Variants in MFSD2B observed in about 807,000 individuals in gnomAD.
The protein encoded by MFSD2B is sphingosine-1-phosphate transporter MFSD2B.
MFSD2B carries 56 observed loss-of-function variants against 58.4 expected under a neutral mutation model. The ratio of observed to expected loss-of-function variants is 0.96; its 90% CI spans 0.77 to 1.20. The LOEUF (loss-of-function observed/expected upper bound fraction) is 1.20. Ranked by LOEUF, MFSD2B falls within the 50% of genes most tolerant of loss-of-function variation. The pLI is 0.00. For missense variants in MFSD2B, 645 were observed against 667.6 expected, an observed-to-expected ratio of 0.97 and a Z score of 0.37; for synonymous variants, 287 against 294.4, an observed-to-expected ratio of 0.97 and a Z score of 0.26.
In MFSD2B at chr2:24,025,502, G is replaced by T; in HGVS notation, c.*46G>T. On this transcript the variant is annotated 3_prime_UTR_variant, in exon 14 of 14. Coordinates refer to ENST00000338315, the MANE Select transcript of MFSD2B (RefSeq NM_001346880.2). ...AATGGACACAGGAGCCAGCACCCTCGGGGCCTGACATCGCCCTCCTCAGCC... is the reference window on the plus strand; with the variant it reads ...AATGGACACAGGAGCCAGCACCCTCTGGGCCTGACATCGCCCTCCTCAGCC... 2 of 1,521,598 alleles carry T rather than the reference G, an allele frequency of 1.3e-6. No individual in the cohort carries two copies. Among genetic ancestry groups the T allele is most frequent in the South Asian group, 1.2e-5 (1 of 83,752 alleles). The allele number at this position is 1,521,598 out of a possible 1,614,324, so 94.3% of individuals were successfully genotyped here. A position where few individuals can be genotyped will look rare whatever the true frequency, so the allele number is the denominator to read the frequency against.
In MFSD2B at chr2:24,020,968, C is replaced by T. The variant is rs1002682295; in HGVS notation, c.682-680C>T. On this transcript the variant is annotated intron_variant, in intron 6 of 13. Coordinates refer to ENST00000338315, the MANE Select transcript of MFSD2B (RefSeq NM_001346880.2). This position sits in a 1 kb window ranked among gnomAD's most constrained non-coding sequence, Gnocchi z 4.1. ...CTGGAGTGCAGTACTGTGATCTCGG[C>T]TCACTGCAACCTCCATCTCCCCAGT... Among the ~76,000 whole-genome samples the T allele has an allele frequency of 3.3e-5, 5 of 152,116 alleles. No homozygotes were observed. The highest frequency in any genetic ancestry group is 9.7e-5 in the African/African-American group (4 of 41,408).
chr2:24,023,475 TG>T lies in MFSD2B; in HGVS notation c.1170-105del. 2 of 1,359,212 alleles carry T rather than the reference TG, an allele frequency of 1.5e-6. No homozygotes were observed. Among genetic ancestry groups the T allele is most frequent in the Non-Finnish European group, 2.0e-6 (2 of 996,950 alleles). 84.2% of individuals were successfully genotyped at this position (1,359,212 alleles called of 1,614,324 possible). A position where few individuals can be genotyped will look rare whatever the true frequency, so the allele number is the denominator to read the frequency against. On this transcript the variant is annotated intron_variant, in intron 11 of 13. Coordinates refer to ENST00000338315, the MANE Select transcript of MFSD2B (RefSeq NM_001346880.2). The surrounding 1 kb of genome is among the most constrained non-coding windows in gnomAD (Gnocchi z 5.0). ...GCTTCTCTGGTGGCCAGTCTGGTCCTGGGCACAGAACTCAGGGATGAATCCA... is the reference window on the plus strand; with the variant it reads ...GCTTCTCTGGTGGCCAGTCTGGTCCTGGCACAGAACTCAGGGATGAATCCA...
Position 24,022,870 on chromosome 2 carries a change from T to C in MFSD2B, c.1027T>C (p.Phe343Leu). 6.2e-7 allele frequency: 1 copy of C among 1,611,250 alleles called. No individual in the cohort carries two copies. The highest frequency in any genetic ancestry group is 8.5e-7 in the Non-Finnish European group (1 of 1,178,912). The change falls in exon 10 of 14, where the codon TTT becomes CTT. Residue 343 changes from phenylalanine to leucine, a missense_variant. By Grantham distance (22) the Phe-to-Leu change is conservative. Transcript: ENST00000338315. This position sits in a 1 kb window ranked among gnomAD's most constrained non-coding sequence, Gnocchi z 4.5. ...GCTGTGGGAGTGGGTTCTCCAGCGC[T>C]TTGGGAAGAAGACGTCAGCCTTTGG... Reference protein sequence around the residue: ...TPLWEWVLQRFGKKTSAFGIF... With the variant: ...TPLWEWVLQRLGKKTSAFGIF...
chr2:24,021,971 G>A lies in MFSD2B; in HGVS notation c.894+1G>A, dbSNP rs753833077. The A allele has an allele frequency of 1.9e-6, 3 of 1,614,004 alleles. No homozygotes were observed. The highest frequency in any genetic ancestry group is 8.5e-7 in the Non-Finnish European group (1 of 1,179,886). ...CCTGTTCATCTCTGCTGCTGTTCAG[G>A]TACCTCTGGCCAGCTGCCCCCGACA... On this transcript the variant is annotated splice_donor_variant, in intron 8 of 13. Coordinates refer to ENST00000338315, the MANE Select transcript of MFSD2B (RefSeq NM_001346880.2). LOFTEE classifies it high-confidence loss of function. The surrounding 1 kb of genome is among the most constrained non-coding windows in gnomAD (Gnocchi z 5.7).
At position 24,017,456 on chromosome 2, in the gene MFSD2B, AG is replaced by A; in HGVS notation, c.552del. 1 of 1,601,946 alleles carries A rather than the reference AG, an allele frequency of 6.2e-7. No homozygotes were observed. On this transcript the variant is annotated splice_acceptor_variant, in intron 5 of 13. Transcript: ENST00000338315. LOFTEE classifies it high-confidence loss of function. The surrounding 1 kb of genome is among the most constrained non-coding windows in gnomAD (Gnocchi z 4.8). ...TCACCTTAAGTGGCACTCTGTCTCC[AG>A]GGATGACTGTGGAGATGGCGGGAAC... is the stretch of plus-strand genomic sequence containing the variant.
In MFSD2B at chr2:24,023,048, GGTC is replaced by G; in HGVS notation, c.1060-78_1060-76del. 1.5e-6 allele frequency: 2 copies of G among 1,360,280 alleles called. No homozygotes were observed. Among genetic ancestry groups the G allele is most frequent in the Non-Finnish European group, 2.1e-6 (2 of 956,476 alleles). 84.3% of individuals were successfully genotyped at this position (1,360,280 alleles called of 1,614,324 possible). A position where few individuals can be genotyped will look rare whatever the true frequency, so the allele number is the denominator to read the frequency against. On this transcript the variant is annotated intron_variant, in intron 10 of 13. Coordinates refer to ENST00000338315, the MANE Select transcript of MFSD2B (RefSeq NM_001346880.2). The surrounding 1 kb of genome is among the most constrained non-coding windows in gnomAD (Gnocchi z 5.0). Reference sequence around the variant, plus strand: ...GGCCTAGCACAGGGCAAGGCATGGGGGTCGTCAGTCGAGTCGTGTGTGAAGGAG... The same window carrying G: ...GGCCTAGCACAGGGCAAGGCATGGGGGTCAGTCGAGTCGTGTGTGAAGGAG...
chr2:24,017,646 C>T lies in MFSD2B; in HGVS notation c.681+58C>T, dbSNP rs1234117786. ...TGGGGTCCCCTCTGCAGGGTCACCT[C>T]CTTCCTCTAGGGCTGGTTCTCCCGT... On this transcript the variant is annotated intron_variant, in intron 6 of 13. Transcript: ENST00000338315. The surrounding 1 kb of genome is among the most constrained non-coding windows in gnomAD (Gnocchi z 4.8). 4.0e-6 allele frequency: 6 copies of T among 1,493,990 alleles called. No individual in the cohort carries two copies. The highest frequency in any genetic ancestry group is 2.1e-5 in the Admixed American group (1 of 46,556). The allele number at this position is 1,493,990 out of a possible 1,614,324, so 92.5% of individuals were successfully genotyped here.
rs1231262840 is a variant in MFSD2B at position 24,017,365 on chromosome 2, G to A, written c.550+1G>A. The stretch of plus-strand genomic sequence containing the variant: ...GAGCGGGACTCGGCCACCGCCTACC[G>A]TGAGTGCAGCCGTGGGTTTCGGGTT... On this transcript the variant is annotated splice_donor_variant, in intron 5 of 13. Coordinates refer to ENST00000338315, the MANE Select transcript of MFSD2B (RefSeq NM_001346880.2). LOFTEE classifies it high-confidence loss of function. This position sits in a 1 kb window ranked among gnomAD's most constrained non-coding sequence, Gnocchi z 4.8. The A allele has an allele frequency of 5.0e-6, 8 of 1,603,706 alleles. No individual in the cohort carries two copies. The highest frequency in any genetic ancestry group is 1.7e-5 in the Admixed American group (1 of 58,740).
At chr2:24,025,111 C>A (rs868154384) in intron 13 of MFSD2B, among the ~76,000 whole-genome samples, 4 of 152,236 alleles carry the variant, frequency 2.6e-5, no homozygotes, top group African/African-American at 9.6e-5. Flanking sequence ...ATGCACATAT[C>A]ATGCAGGCCC....
At position 24,016,941 on chromosome 2, in the gene MFSD2B, C is replaced by G. The variant is rs749249128; in HGVS notation, c.444C>G (p.Phe148Leu). Residue 148 changes from phenylalanine to leucine, a missense_variant, in exon 4 of 14, where the codon TTC (phenylalanine) becomes TTG (leucine). Coordinates refer to ENST00000338315, the MANE Select transcript of MFSD2B (RefSeq NM_001346880.2). ...TGCGAGGCCTCTGGTACACGACTTT[C>G]TACTGCCTGTTCCAGGCCCTGGCCA... ...TSLRGLWYTTFYCLFQALATF... is the reference protein window; with the variant it reads ...TSLRGLWYTTLYCLFQALATF... The G allele has an allele frequency of 3.1e-6, 5 of 1,613,808 alleles. No homozygotes were observed. The East Asian group carries it at 1.1e-4, about 36-fold the overall frequency.
intron 1 of MFSD2B, among the ~76,000 whole-genome samples, chr2:24,011,336 T>G (rs941697616): frequency 6.6e-6 from 1 of 152,084 alleles, no homozygotes; most frequent in African/African-American, 2.4e-5. Flanking sequence ...GATACAAGAG[T>G]CCCCATTAGG....
rs1042653653 is a variant in MFSD2B, at chr2:24,024,752, G to A, written c.1490+481G>A. ...GTCCCCCTAACTGGCTCCTCCTTCT[G>A]TGTCCCTGTCTTGGTGAATGACACC... On this transcript the variant is annotated intron_variant, in intron 13 of 13. Coordinates refer to ENST00000338315, the MANE Select transcript of MFSD2B (RefSeq NM_001346880.2). This position sits in a 1 kb window ranked among gnomAD's most constrained non-coding sequence, Gnocchi z 4.3. Among the ~76,000 whole-genome samples the A allele has an allele frequency of 3.3e-5, 5 of 152,058 alleles. No individual in the cohort carries two copies. The highest frequency in any genetic ancestry group is 9.7e-5 in the African/African-American group (4 of 41,416).
In MFSD2B at chr2:24,017,712, C is replaced by A. The variant is rs1709211821; in HGVS notation, c.681+124C>A. ...GTCTTTTAGGGGGCTCACTGTGCCC[C>A]CTCATTCCTTCCCTGCTCCTCCAGT... On this transcript the variant is annotated intron_variant, in intron 6 of 13. Coordinates refer to ENST00000338315, the MANE Select transcript of MFSD2B (RefSeq NM_001346880.2). This position sits in a 1 kb window ranked among gnomAD's most constrained non-coding sequence, Gnocchi z 4.8. 9.5e-7 allele frequency: 1 copy of A among 1,049,252 alleles called. No individual in the cohort carries two copies. Among genetic ancestry groups the A allele is most frequent in the African/African-American group, 1.6e-5 (1 of 62,170 alleles). 65.0% of individuals were successfully genotyped at this position (1,049,252 alleles called of 1,614,324 possible).
At chr2:24,016,999 C>T (rs1482190038) in intron 4 of MFSD2B, 31 bp downstream of exon 4, 1 of 1,611,958 alleles carries the variant, frequency 6.2e-7, no homozygotes, top group South Asian at 1.1e-5. Context: ...GGCCTGTGCT[C>T]TGGCGAAGCC....
At chr2:24,018,336 C>G (rs1709235086) in intron 6 of MFSD2B, 1 of 172,828 alleles carries the variant, frequency 5.8e-6, no homozygotes, top group South Asian at 2.0e-4. Flanking sequence ...CTGCCTCCGC[C>G]TCTTACACGG....
intron 2 of MFSD2B, among the ~76,000 whole-genome samples, chr2:24,015,117 TCAAAAA>T (rs1709091931): frequency 1.3e-5 from 2 of 149,428 alleles, no homozygotes; most frequent in African/African-American, 5.0e-5. Flanking sequence ...AGACTCCCTC[TCAAAAA>T]CAAAACAAAA....
In MFSD2B at chr2:24,016,788, C is replaced by CT; in HGVS notation, c.348-54dup. The CT allele has an allele frequency of 1.9e-6, 3 of 1,599,410 alleles. No individual in the cohort carries two copies. In the Admixed American group the frequency reaches 5.0e-5, roughly 27 times the overall value. On this transcript the variant is annotated intron_variant, in intron 3 of 13. Transcript: ENST00000338315. The stretch of plus-strand genomic sequence containing the variant: ...GGGTGGGGTTCCTCCAGGCTGGGCC[C>CT]TTTGTGTTCCCCTGTCTGGGTCGGG...
In MFSD2B at chr2:24,016,969, G is replaced by GT. The variant is rs1354192052; in HGVS notation, c.471+2dup. 6.2e-7 allele frequency: 1 copy of GT among 1,613,544 alleles called. No homozygotes were observed. The highest frequency in any genetic ancestry group is 1.3e-5 in the African/African-American group (1 of 74,952). On this transcript the variant is annotated splice_donor_variant, in intron 4 of 13. Transcript: ENST00000338315. LOFTEE classifies it high-confidence loss of function. The stretch of plus-strand genomic sequence containing the variant: ...CTGCCTGTTCCAGGCCCTGGCCACG[G>GT]TAAGCAGGGCCCCTTCCTGGGCCTG...
At position 24,022,093 on chromosome 2, in the gene MFSD2B, G is replaced by A. The variant is rs1662812125; in HGVS notation, c.894+123G>A. On this transcript the variant is annotated intron_variant, in intron 8 of 13. Coordinates refer to ENST00000338315, the MANE Select transcript of MFSD2B (RefSeq NM_001346880.2). The surrounding 1 kb of genome is among the most constrained non-coding windows in gnomAD (Gnocchi z 4.5). ...ACCTGCGGCTGGCACATGGCTCAGA[G>A]GGGCTGGTGCCGGGAGGGAGATCCC... 1.7e-6 allele frequency: 2 copies of A among 1,199,998 alleles called. No individual in the cohort carries two copies. The highest frequency in any genetic ancestry group is 2.0e-5 in the Admixed American group (1 of 50,178). 74.3% of individuals were successfully genotyped at this position (1,199,998 alleles called of 1,614,324 possible).
Sources: allele counts gnomAD v4.1 joint callset (sites outside exome capture counted in the v4.1 genomes callset), GRCh38; gene constraint gnomAD v4.1.1; non-coding constraint Gnocchi (gnomAD v3.1); transcripts MANE v1.5; gene names NCBI Gene and HGNC (gene_info 2026-07-23, HGNC 2026-07-21).